The following PTPRN variants were observed in gnomAD, a reference collection of about 807,000 sequenced individuals.
The protein encoded by PTPRN is protein tyrosine phosphatase receptor type N.
In PTPRN, 70 loss-of-function variants were observed where a neutral mutation model predicts 108.5. The ratio of observed to expected loss-of-function variants is 0.65; its 90% CI spans 0.53 to 0.79. PTPRN has a LOEUF of 0.79. PTPRN is among the 30% of genes least tolerant of loss of function. PTPRN has a pLI of 0.00. For missense variants in PTPRN, 1,136 were observed against 1,295.5 expected (o/e 0.88, Z 1.89); for synonymous variants, 496 against 524.6 (o/e 0.95, Z 0.75).
intron 3 of PTPRN, among the ~76,000 whole-genome samples, chr2:219,305,504 G>A (rs1015192069): frequency 2.0e-5 from 3 of 152,126 alleles, no homozygotes; most frequent in South Asian, 2.1e-4. Flanking sequence ...GCCTCCTAAA[G>A]TATTGGGATT....
intron 1 of PTPRN, 137 bp downstream of exon 1, chr2:219,309,081 C>T (rs1357076945): frequency 6.6e-7 from 1 of 1,524,244 alleles, no homozygotes; most frequent in Non-Finnish European, 8.8e-7. Flanking sequence ...TCTCACCTTC[C>T]TCATCTCGCA....
chr2:219,296,467 A>AT lies in PTPRN; in HGVS notation c.2359_2360insA (p.Leu787HisfsTer35). On this transcript the variant is annotated frameshift_variant, in exon 17 of 23. Transcript: ENST00000295718. LOFTEE classifies it high-confidence loss of function. This position sits in a 1 kb window ranked among gnomAD's most constrained non-coding sequence, Gnocchi z 6.0. Reference sequence around the variant, plus strand: ...CCAGAAGTCTGCGATGGTATGGGACAGCGGGCCCTGCGTGGCTATGTAGGC... The same window carrying AT: ...CCAGAAGTCTGCGATGGTATGGGACATGCGGGCCCTGCGTGGCTATGTAGGC... 1 of 1,614,192 alleles carries AT rather than the reference A, an allele frequency of 6.2e-7. No homozygotes were observed. Among genetic ancestry groups the AT allele is most frequent in the Non-Finnish European group, 8.5e-7 (1 of 1,180,034 alleles).
chr2:219,290,347 C>G lies in PTPRN; in HGVS notation c.2869-50G>C. ...GTCATGGAGAGGGCTGACCTGTGCT[C>G]TGCCCTCAAGATGGGGGGCTTTTGG... is the stretch of plus-strand genomic sequence containing the variant. On this transcript the variant is annotated intron_variant, in intron 22 of 22. Transcript: ENST00000295718. The surrounding 1 kb of genome is among the most constrained non-coding windows in gnomAD (Gnocchi z 4.2). 1 of 1,565,848 alleles carries G rather than the reference C, an allele frequency of 6.4e-7. No homozygotes were observed. Among genetic ancestry groups the G allele is most frequent in the South Asian group, 1.1e-5 (1 of 88,618 alleles).
chr2:219,303,956 A>G (rs957927932), intron 3 of PTPRN, 125 bp from the exon 4 acceptor site: 3 of 652,234 alleles, frequency 4.6e-6, no homozygotes, highest in Admixed American at 6.9e-5. Context: ...TAGAGGGACA[A>G]ACTCAGTGGG....
chr2:219,298,016 C>G lies in PTPRN; in HGVS notation c.1756G>C (p.Gly586Arg), dbSNP rs749061664. The change falls in exon 13 of 23, where the codon GGT (glycine) becomes CGT (arginine). Residue 586 changes from glycine (G) to arginine (R), a missense_variant. Gly to Arg is a moderately radical substitution (Grantham distance 125). Transcript: ENST00000295718. ...AGAGCCACCAGCAGCCCAGCCACAC[C>G]TGCCAGGGCCACCAGAGTGAGCAGC... Reference protein sequence around the residue: ...SVLLTLVALAGVAGLLVALAV... With the variant: ...SVLLTLVALARVAGLLVALAV... 6.2e-7 allele frequency: 1 copy of G among 1,614,088 alleles called. No homozygotes were observed. Among genetic ancestry groups the G allele is most frequent in the Non-Finnish European group, 8.5e-7 (1 of 1,180,006 alleles).
intron 2 of PTPRN, 28 bp downstream of exon 2, chr2:219,307,764 G>A: frequency 6.2e-7 from 1 of 1,612,094 alleles, no homozygotes. Flanking sequence ...CCCCGATCTT[G>A]TGAGTTCTAT....
In PTPRN at chr2:219,290,187, G is replaced by T. The variant is rs377346783; in HGVS notation, c.*39C>A. ...CAGAGATGCTCACACAGGCAAAGAG[G>T]GACAGAGGCTGGGCTGCCCGCCAAG... is the stretch of plus-strand genomic sequence containing the variant. On this transcript the variant is annotated 3_prime_UTR_variant, in exon 23 of 23. Transcript: ENST00000295718. The surrounding 1 kb of genome is among the most constrained non-coding windows in gnomAD (Gnocchi z 4.2). 2.6e-4 allele frequency: 401 copies of T among 1,562,850 alleles called. No homozygotes were observed. Among genetic ancestry groups the T allele is most frequent in the Non-Finnish European group, 3.4e-4 (381 of 1,133,774 alleles).
intron 1 of PTPRN, 79 bp downstream of exon 1, chr2:219,309,139 T>TCACC: frequency 7.3e-7 from 1 of 1,374,036 alleles, no homozygotes; most frequent in South Asian, 1.3e-5. Context: ...CATTTCACCC[T>TCACC]CACCCCCACC....
intron 20 of PTPRN, among the ~76,000 whole-genome samples, chr2:219,291,261 T>A (rs1952047439): frequency 6.6e-6 from 1 of 152,364 alleles, no homozygotes; most frequent in Non-Finnish European, 1.5e-5. Flanking sequence ...GTGGGCCACA[T>A]ACAGTTTGTA....
chr2:219,309,156 C>A, intron 1 of PTPRN, 62 bp downstream of exon 1: 2 of 1,436,318 alleles, frequency 1.4e-6, no homozygotes, highest in Non-Finnish European at 9.4e-7. Context: ...CACCGAGTTT[C>A]GCTCCAGGCC....
At chr2:219,308,510 A>T (rs928983207) in intron 1 of PTPRN, among the ~76,000 whole-genome samples, 4 of 152,212 alleles carry the variant, frequency 2.6e-5, no homozygotes, top group African/African-American at 9.6e-5. Context: ...GTGGGGAAAG[A>T]GGGCGCCAGG....
intron 1 of PTPRN, chr2:219,308,477 G>A (rs1017165398): frequency 4.7e-5 from 10 of 213,818 alleles, no homozygotes; most frequent in African/African-American, 2.3e-4. Context: ...GAAGTACTCT[G>A]CCTCTCGGGC....
Position 219,290,529 on chromosome 2 carries a change from C to G in PTPRN, c.2868+9G>C. ...GGGAGCTGGGGTTGGGGCAGGAAGG[C>G]ATGGTCACCTTAGAGCGGACAAGGC... On this transcript the variant is annotated intron_variant, in intron 22 of 22. Coordinates refer to ENST00000295718, the MANE Select transcript of PTPRN (RefSeq NM_002846.4). This position sits in a 1 kb window ranked among gnomAD's most constrained non-coding sequence, Gnocchi z 4.2. 6.4e-7 allele frequency: 1 copy of G among 1,550,954 alleles called. No homozygotes were observed. Among genetic ancestry groups the G allele is most frequent in the South Asian group, 1.2e-5 (1 of 84,016 alleles).
chr2:219,296,722 G>C lies in PTPRN; in HGVS notation c.2310+27C>G. 6.2e-7 allele frequency: 1 copy of C among 1,612,412 alleles called. No homozygotes were observed. Among genetic ancestry groups the C allele is most frequent in the Non-Finnish European group, 8.5e-7 (1 of 1,179,084 alleles). ...GGGCCAGGATAATGATGGGGCAGAG[G>C]TGGGGGCTGGAGTCAGGGCCACTCA... On this transcript the variant is annotated intron_variant, in intron 16 of 22. Coordinates refer to ENST00000295718, the MANE Select transcript of PTPRN (RefSeq NM_002846.4). The surrounding 1 kb of genome is among the most constrained non-coding windows in gnomAD (Gnocchi z 6.0).
At position 219,295,997 on chromosome 2, in the gene PTPRN, CA is replaced by C. The variant is rs1952183908; in HGVS notation, c.2508+228del. 4 of 585,350 alleles carry C rather than the reference CA, an allele frequency of 6.8e-6. No homozygotes were observed. In the Admixed American group the frequency reaches 9.5e-5, roughly 14 times the overall value. 36.3% of individuals were successfully genotyped at this position (585,350 alleles called of 1,614,324 possible). Reference sequence around the variant, plus strand: ...CAGGACACACACACACACACACACACACACACATGTATGTTCTGTAAACAGG... The same window carrying C: ...CAGGACACACACACACACACACACACCACACATGTATGTTCTGTAAACAGG... On this transcript the variant is annotated intron_variant, in intron 18 of 22. Coordinates refer to ENST00000295718, the MANE Select transcript of PTPRN (RefSeq NM_002846.4).
Position 219,303,742 on chromosome 2 carries a change from T to C in PTPRN, c.370A>G (p.Arg124Gly). The C allele has an allele frequency of 6.2e-7, 1 of 1,613,628 alleles. No homozygotes were observed. The highest frequency in any genetic ancestry group is 8.5e-7 in the Non-Finnish European group (1 of 1,179,560). ...TAGAGAAAGGCTGCCTACCTGTCCC[T>C]TGGACGGGGCTCTGGGGGGCGAAGC... is the stretch of plus-strand genomic sequence containing the variant. ...PRLRPPEPRP[R>G]DRSGLAPKRP... Residue 124 changes from arginine (R) to glycine (G), a missense_variant, in exon 4 of 23, where the codon AGG (arginine) becomes GGG (glycine). Transcript: ENST00000295718.
At position 219,297,117 on chromosome 2, in the gene PTPRN, G is replaced by A; in HGVS notation, c.2104C>T (p.His702Tyr). ...GHMILAYMED[H>Y]LRNRDRLAKE... ...GCAAGGCGGTCCCGGTTCCGCAGGT[G>A]ATCCTCCATGTATGCCTGTGGGGGC... Residue 702 changes from histidine to tyrosine, a missense_variant, in exon 15 of 23, where the codon CAC becomes TAC. Transcript: ENST00000295718. This position sits in a 1 kb window ranked among gnomAD's most constrained non-coding sequence, Gnocchi z 6.0. 6.2e-7 allele frequency: 1 copy of A among 1,614,082 alleles called. No individual in the cohort carries two copies. The highest frequency in any genetic ancestry group is 1.1e-5 in the South Asian group (1 of 91,070).
At chr2:219,307,173 C>T in intron 3 of PTPRN, 1 of 362,768 alleles carries the variant, frequency 2.8e-6, no homozygotes, top group African/African-American at 2.0e-5. Context: ...CTCTGTAGCA[C>T]TCAGACAATG....
At position 219,300,158 on chromosome 2, in the gene PTPRN, G is replaced by A. The variant is rs1952306978; in HGVS notation, c.1263C>T (p.Val421=). ...HPTASPTSSE[V]QQVPSPVSSE... Reference sequence around the variant, plus strand: ...AGGAGACAGGGCTTGGCACCTGCTGGACTTCACTGGAGGTAGGGCTGGCAG... The same window carrying A: ...AGGAGACAGGGCTTGGCACCTGCTGAACTTCACTGGAGGTAGGGCTGGCAG... Residue 421 remains valine, a synonymous_variant, in exon 9 of 23, where the codon GTC becomes GTT. Transcript: ENST00000295718. The A allele has an allele frequency of 3.1e-6, 5 of 1,613,672 alleles. No homozygotes were observed. Among genetic ancestry groups the A allele is most frequent in the Non-Finnish European group, 4.2e-6 (5 of 1,179,808 alleles).
Sources: allele counts gnomAD v4.1 joint callset (sites outside exome capture counted in the v4.1 genomes callset), GRCh38; gene constraint gnomAD v4.1.1; non-coding constraint Gnocchi (gnomAD v3.1); transcripts MANE v1.5; gene names NCBI Gene and HGNC (gene_info 2026-07-23, HGNC 2026-07-21).